LINGO1: variants seen among roughly 807,000 people sequenced by gnomAD.
LINGO1 encodes leucine rich repeat and Ig domain containing 1.
Under a neutral mutation model 37.3 loss-of-function variants are expected in LINGO1, and 11 were observed. The ratio of observed to expected loss-of-function variants is 0.29; its 90% CI spans 0.19 to 0.49. The LOEUF is 0.49. LINGO1 is among the 20% of genes least tolerant of loss of function. The pLI, the probability that LINGO1 is intolerant of heterozygous loss-of-function variation, is 0.99. For missense variants in LINGO1, 585 were observed against 878.2 expected (o/e 0.67, Z 4.22); for synonymous variants, 387 against 403.0 (o/e 0.96, Z 0.48).
chr15:77,739,606 A>C (rs1329466745), intron 1 of LINGO1, among the ~76,000 whole-genome samples: 1 of 152,186 alleles, frequency 6.6e-6, no homozygotes, highest in Non-Finnish European at 1.5e-5. Context: ...TGGGTCCACC[A>C]ATCACCCTAC....
upstream of LINGO1, among the ~76,000 whole-genome samples, chr15:77,701,096 C>T (rs1026187290): frequency 6.6e-6 from 1 of 152,184 alleles, no homozygotes; most frequent in African/African-American, 2.4e-5. Flanking sequence ...GGCTCTGAGG[C>T]ATATGTCCCT....
chr15:77,713,798 C>A (rs573428627), intron 2 of LINGO1, among the ~76,000 whole-genome samples: 1 of 152,248 alleles, frequency 6.6e-6, no homozygotes, highest in African/African-American at 2.4e-5. Context: ...CCTTTAGGAA[C>A]CCTCTCCTGG....
intron 1 of LINGO1, among the ~76,000 whole-genome samples, chr15:77,739,328 A>G (rs2076237102): frequency 6.6e-6 from 1 of 152,166 alleles, no homozygotes; most frequent in Non-Finnish European, 1.5e-5. Context: ...CGGAGGAGAT[A>G]ACTCGATATA....
rs117844478 is a variant in LINGO1 at position 77,786,010 on chromosome 15, C to T, written c.-257+859G>A. Among the ~76,000 whole-genome samples, 588 of 152,272 alleles carry T rather than the reference C, an allele frequency of 3.9e-3. 1 individual carries two copies. Among genetic ancestry groups the T allele is most frequent in the Non-Finnish European group, 6.5e-3 (439 of 68,032 alleles). ...GAACTCCCACTGAGGGAGTACAACG[C>T]CTCCGTGAGGTAGGTATCATTATGT... On this transcript the variant is annotated intron_variant, in intron 1 of 3. Coordinates refer to the LINGO1 transcript ENST00000561686.
intron 1 of LINGO1, among the ~76,000 whole-genome samples, chr15:77,799,220 G>C (rs1218077814): frequency 6.6e-6 from 1 of 152,144 alleles, no homozygotes; most frequent in African/African-American, 2.4e-5. Context: ...TTTGGTCACT[G>C]GAACAGAGAG....
At chr15:77,819,444 A>AGCGTGTGCATGT (rs561620983) in intron 1 of LINGO1, 1 of 151,666 alleles carries the variant, frequency 6.6e-6, no homozygotes, top group Non-Finnish European at 1.5e-5. Context: ...GAGAGCGCGC[A>AGCGTGTGCATGT]GCGTGTGCAT....
rs1596208530 is a variant in LINGO1 at position 77,769,168 on chromosome 15, C to T, written c.-257+17701G>A. Among the ~76,000 whole-genome samples, 4 of 152,344 alleles carry T rather than the reference C, an allele frequency of 2.6e-5. 1 individual carries two copies. The highest frequency in any genetic ancestry group is 2.4e-5 in the African/African-American group (1 of 41,590). ...GAGCCACAGAAGAGGCTATCCATGACAGGGTGGGGCCCAGGGTGGGAAGCC... is the reference window on the plus strand; with the variant it reads ...GAGCCACAGAAGAGGCTATCCATGATAGGGTGGGGCCCAGGGTGGGAAGCC... On this transcript the variant is annotated intron_variant, in intron 1 of 3. Transcript: ENST00000561686.
At chr15:77,651,092 T>G (rs986377759) in intron 3 of LINGO1, among the ~76,000 whole-genome samples, 1 of 152,026 alleles carries the variant, frequency 6.6e-6, no homozygotes, top group African/African-American at 2.4e-5. Context: ...GATTCACGCA[T>G]TTGGGTGCAC....
In LINGO1 at chr15:77,614,859, G is replaced by C. The variant is rs752469221; in HGVS notation, c.1048C>G (p.Leu350Val). The C allele has an allele frequency of 9.3e-6, 15 of 1,613,784 alleles. No individual in the cohort carries two copies. The highest frequency in any genetic ancestry group is 1.7e-5 in the Admixed American group (1 of 59,984). ...ACCGAGTGGAAGACTGATTCCTCCA[G>C]TGTGGTCAGCTGGTTGCCAGAGACA... ...LNVSGNQLTT[L>V]EESVFHSVGN... The change falls in exon 2 of 2, where the codon CTG becomes GTG. Residue 350 changes from leucine to valine, a missense_variant. By Grantham distance (32) the Leu-to-Val change is conservative (BLOSUM62 1). Coordinates refer to ENST00000355300, the MANE Select transcript of LINGO1 (RefSeq NM_032808.7).
chr15:77,817,885 G>A (rs1175393936), intron 1 of LINGO1, among the ~76,000 whole-genome samples: 6 of 152,200 alleles, frequency 3.9e-5, no homozygotes, highest in Non-Finnish European at 5.9e-5. Flanking sequence ...AAGTGGCTGA[G>A]AGATTCCAGA....
rs138439461 is a variant in LINGO1, at chr15:77,806,377, G to A, written c.-457-10324C>T. Among the ~76,000 whole-genome samples the A allele has an allele frequency of 2.3e-3, 354 of 152,318 alleles. 1 individual carries two copies. The highest frequency in any genetic ancestry group is 7.0e-3 in the South Asian group (34 of 4,828). ...AAACAGGAAGAAGCACAGGGCTCAGGAGGAGAGGCGAGGAAGAGGGTCGAG... is the reference window on the plus strand; with the variant it reads ...AAACAGGAAGAAGCACAGGGCTCAGAAGGAGAGGCGAGGAAGAGGGTCGAG... On this transcript the variant is annotated intron_variant, in intron 1 of 5. Transcript: ENST00000562933.
In LINGO1 at chr15:77,656,671, C is replaced by T. The variant is rs148735879; in HGVS notation, c.-13+20418G>A. ...CTGCAGGGACTCCCAGTCCTGTCCT[C>T]GGCCCTCCCCAGGATGCAGATATGT... On this transcript the variant is annotated intron_variant, in intron 3 of 3. Coordinates refer to the LINGO1 transcript ENST00000559893. Among the ~76,000 whole-genome samples the T allele has an allele frequency of 5.9e-4, 90 of 152,266 alleles. 1 individual carries two copies. In the East Asian group the frequency reaches 0.016, roughly 27 times the overall value.
At chr15:77,670,832 G>A (rs565512912) in intron 3 of LINGO1, among the ~76,000 whole-genome samples, 1 of 152,214 alleles carries the variant, frequency 6.6e-6, no homozygotes, top group Non-Finnish European at 1.5e-5. Flanking sequence ...GCTGTTTCCT[G>A]CCTCAAAGCC....
chr15:77,789,463 C>T (rs537772965), upstream of LINGO1, among the ~76,000 whole-genome samples: 14 of 151,986 alleles, frequency 9.2e-5, no homozygotes, highest in African/African-American at 2.2e-4. Flanking sequence ...AAAAATTAGC[C>T]GGGTGTGGTG....
At chr15:77,682,863 T>G (rs570682133) in intron 2 of LINGO1, among the ~76,000 whole-genome samples, 1 of 152,216 alleles carries the variant, frequency 6.6e-6, no homozygotes, top group Admixed American at 6.5e-5. Context: ...TCCGAAGCCC[T>G]GAGGAGCAGC....
At chr15:77,804,825 G>A (rs942241042) in intron 1 of LINGO1, among the ~76,000 whole-genome samples, 1 of 152,168 alleles carries the variant, frequency 6.6e-6, no homozygotes, top group Non-Finnish European at 1.5e-5. Flanking sequence ...TCCCTCCTGG[G>A]TACTGCGGTT....
intron 2 of LINGO1, among the ~76,000 whole-genome samples, chr15:77,690,018 T>C (rs559505211): frequency 2.0e-5 from 3 of 152,302 alleles, no homozygotes; most frequent in South Asian, 2.1e-4. Context: ...CAGAGAGGCA[T>C]AGAGATTTGT....
chr15:77,737,085 T>C (rs2076210943), intron 1 of LINGO1, among the ~76,000 whole-genome samples: 2 of 152,258 alleles, frequency 1.3e-5, no homozygotes, highest in African/African-American at 4.8e-5. Context: ...TCCTGTCTCA[T>C]TGAACACATG....
Position 77,613,995 on chromosome 15 carries a change from C to G in LINGO1, c.*49G>C, listed in dbSNP as rs547315477. On this transcript the variant is annotated 3_prime_UTR_variant, in exon 2 of 2. Coordinates refer to ENST00000355300, the MANE Select transcript of LINGO1 (RefSeq NM_032808.7). The stretch of plus-strand genomic sequence containing the variant: ...GGAGAGTGAGCAGGTGGCGGCCAGG[C>G]CCCTTCCCCTGCCCGGCCGCCCGGG... The G allele has an allele frequency of 6.1e-6, 9 of 1,466,850 alleles. No individual in the cohort carries two copies. In the African/African-American group the frequency reaches 7.0e-5, roughly 11 times the overall value. 90.9% of individuals were successfully genotyped at this position (1,466,850 alleles called of 1,614,324 possible). A position where few individuals can be genotyped will look rare whatever the true frequency, so the allele number is the denominator to read the frequency against.
Sources: allele counts gnomAD v4.1 joint callset (sites outside exome capture counted in the v4.1 genomes callset), GRCh38; gene constraint gnomAD v4.1.1; transcripts MANE v1.5; gene names NCBI Gene and HGNC (gene_info 2026-07-23, HGNC 2026-07-21).